The following CNRIP1 variants were observed in gnomAD, a reference collection of about 807,000 sequenced individuals.
The protein encoded by CNRIP1 is CB1 cannabinoid receptor-interacting protein 1.
Under a neutral mutation model 15.2 loss-of-function variants are expected in CNRIP1, and 10 were observed. The ratio of observed to expected loss-of-function variants is 0.66; its 90% CI spans 0.41 to 1.12. The LOEUF (loss-of-function observed/expected upper bound fraction) is 1.12, where lower values mean the gene tolerates loss of function less well. Among genes scored for constraint, CNRIP1 ranks in the 50% most tolerant of loss-of-function variants. The pLI is 0.00. For synonymous variants in CNRIP1, 91 were observed against 83.2 expected, an observed-to-expected ratio of 1.09 and a Z score of -0.51; for missense variants, 211 against 214.7, an observed-to-expected ratio of 0.98 and a Z score of 0.11.
chr2:68,311,203 G>GC (rs1033690380), intron 2 of CNRIP1, among the ~76,000 whole-genome samples: 6 of 91,874 alleles, frequency 6.5e-5, no homozygotes, highest in African/African-American at 2.4e-4. Context: ...TGATCCCCAA[G>GC]GGGGGAAAAA....
chr2:68,302,690 C>CAGTG (rs1390840505), intron 2 of CNRIP1, among the ~76,000 whole-genome samples: 6 of 152,098 alleles, frequency 3.9e-5, no homozygotes, highest in Admixed American at 1.3e-4. Context: ...TCACTATGGG[C>CAGTG]AGTGGCAAAT....
chr2:68,292,900 C>T (rs1282396730), downstream of CNRIP1: 8 of 505,632 alleles, frequency 1.6e-5, no homozygotes, highest in Non-Finnish European at 1.8e-5. Context: ...AATTCTACTC[C>T]GGATACATCC....
intron 1 of CNRIP1, among the ~76,000 whole-genome samples, chr2:68,318,135 G>A (rs1219640974): frequency 6.6e-6 from 1 of 152,024 alleles, no homozygotes; most frequent in Non-Finnish European, 1.5e-5. Context: ...TGAGAATAAA[G>A]GGTGCATGGA....
chr2:68,288,691 T>TTTGTTGGCAACAA (rs1165564063), downstream of CNRIP1, among the ~76,000 whole-genome samples: 2 of 152,214 alleles, frequency 1.3e-5, no homozygotes, highest in African/African-American at 4.8e-5. Flanking sequence ...AATACTTCTG[T>TTTGTTGGCAACAA]TTGTTGGCAA....
At chr2:68,294,133 C>T in intron 2 of CNRIP1, 107 bp from the exon 3 acceptor site, 1 of 1,200,960 alleles carries the variant, frequency 8.3e-7, no homozygotes, top group East Asian at 2.4e-5. Flanking sequence ...AGACCCAGTC[C>T]AGATTCTCTT....
intron 2 of CNRIP1, among the ~76,000 whole-genome samples, chr2:68,287,504 T>C (rs1671059886): frequency 6.6e-6 from 1 of 152,256 alleles, no homozygotes; most frequent in South Asian, 2.1e-4. Flanking sequence ...GATAAAATAT[T>C]GGGAGAAAAG....
rs566835173 is a variant in CNRIP1, at chr2:68,319,514, G to A, written c.-114C>T. On this transcript the variant is annotated 5_prime_UTR_variant, in exon 1 of 3. Transcript: ENST00000263655. ...GAAGCGCGGGGAGGGTGAGGGAGGT[G>A]GTGGAGCTGAGGCTGCCGCTAGGAA... 2 of 1,146,308 alleles carry A rather than the reference G, an allele frequency of 1.7e-6. No homozygotes were observed. The highest frequency in any genetic ancestry group is 5.8e-5 in the East Asian group (2 of 34,660). The allele number at this position is 1,146,308 out of a possible 1,614,324, so 71.0% of individuals were successfully genotyped here.
intron 2 of CNRIP1, among the ~76,000 whole-genome samples, chr2:68,306,124 C>CAATAAAAAAAAAAAAAAAAAAAAA (rs1671834561): frequency 3.9e-5 from 1 of 25,328 alleles, no homozygotes; most frequent in Non-Finnish European, 7.0e-5. Context: ...CCCACCTCTA[C>CAATAAAAAAAAAAAAAAAAAAAAA]AAAAAAAAAA....
chr2:68,308,547 A>G (rs1206332817), intron 2 of CNRIP1, among the ~76,000 whole-genome samples: 1 of 152,122 alleles, frequency 6.6e-6, no homozygotes, highest in Non-Finnish European at 1.5e-5. Context: ...AGATTTTATA[A>G]TTTAACTTTC....
intron 2 of CNRIP1, among the ~76,000 whole-genome samples, chr2:68,287,990 T>C (rs1369026135): frequency 6.6e-6 from 1 of 152,258 alleles, no homozygotes; most frequent in Non-Finnish European, 1.5e-5. Context: ...TTTAGTCTCC[T>C]TTAAAGGGAG....
intron 2 of CNRIP1, among the ~76,000 whole-genome samples, chr2:68,308,310 C>T (rs1282175668): frequency 6.6e-6 from 1 of 152,128 alleles, no homozygotes; most frequent in African/African-American, 2.4e-5. Context: ...CAAGAATGCA[C>T]ATTTCTACAT....
At chr2:68,286,597 G>A (rs1291919193) in intron 2 of CNRIP1, among the ~76,000 whole-genome samples, 1 of 152,112 alleles carries the variant, frequency 6.6e-6, no homozygotes, top group Non-Finnish European at 1.5e-5. Context: ...AAATATTTTT[G>A]TCAAATAATT....
Position 68,305,274 on chromosome 2 carries a change from A to ATGTGTGTGTGTGTGTGTGTG in CNRIP1, c.331-11268_331-11249dup, listed in dbSNP as rs10601379. Among the ~76,000 whole-genome samples the ATGTGTGTGTGTGTGTGTGTG allele has an allele frequency of 6.6e-4, 80 of 120,628 alleles. 2 individuals are homozygous for ATGTGTGTGTGTGTGTGTGTG. Among genetic ancestry groups the ATGTGTGTGTGTGTGTGTGTG allele is most frequent in the Non-Finnish European group, 9.6e-4 (58 of 60,560 alleles). 79.1% of individuals were successfully genotyped at this position (120,628 alleles called of 152,430 possible). A position where few individuals can be genotyped will look rare whatever the true frequency, so the allele number is the denominator to read the frequency against. ...AAAAAAAAAAAATATATATATATAT[A>ATGTGTGTGTGTGTGTGTGTG]TGTGTGTGTGTGTGTGTGTGTGTGT... On this transcript the variant is annotated intron_variant, in intron 2 of 2. Transcript: ENST00000263655.
chr2:68,297,567 CAAAAAAA>C (rs112601365), intron 2 of CNRIP1, among the ~76,000 whole-genome samples: 6 of 98,868 alleles, frequency 6.1e-5, no homozygotes, highest in Non-Finnish European at 8.5e-5. Flanking sequence ...GACACTGTCT[CAAAAAAA>C]AAAAAAAAAA....
intron 2 of CNRIP1, among the ~76,000 whole-genome samples, chr2:68,305,339 T>C (rs1259527890): frequency 6.8e-6 from 1 of 147,512 alleles, no homozygotes; most frequent in Non-Finnish European, 1.5e-5. Context: ...ATAATATATA[T>C]TTAAATATAT....
At chr2:68,297,828 A>G (rs1042337103) in intron 2 of CNRIP1, among the ~76,000 whole-genome samples, 9 of 152,164 alleles carry the variant, frequency 5.9e-5, no homozygotes, top group African/African-American at 2.2e-4. Context: ...GGAAATGCTT[A>G]GAACAATGTT....
At chr2:68,298,899 C>A (rs745674009) in intron 2 of CNRIP1, among the ~76,000 whole-genome samples, 1 of 152,206 alleles carries the variant, frequency 6.6e-6, no homozygotes, top group Non-Finnish European at 1.5e-5. Context: ...TTCACTCCCT[C>A]CCCGCCCATC....
At chr2:68,305,241 T>C (rs1671774652) in intron 2 of CNRIP1, among the ~76,000 whole-genome samples, 1 of 29,386 alleles carries the variant, frequency 3.4e-5, no homozygotes, top group Non-Finnish European at 6.5e-5. Flanking sequence ...TGAAACTCCG[T>C]CTCAAAAAAA....
rs371688654 is a variant in CNRIP1, at chr2:68,312,162, C to T, written c.330+4995G>A. On this transcript the variant is annotated intron_variant, in intron 2 of 2. Transcript: ENST00000263655. The stretch of plus-strand genomic sequence containing the variant: ...TCTGATACCCAAAACTAGACAAAGG[C>T]ATTATAAGAAAAGCAAACCATAGAC... 4.6e-5 allele frequency among the ~76,000 whole-genome samples: 7 copies of T among 152,090 alleles called. No individual in the cohort carries two copies. The South Asian group carries it at 8.3e-4, about 18-fold the overall frequency.
Sources: allele counts gnomAD v4.1 joint callset (sites outside exome capture counted in the v4.1 genomes callset), GRCh38; gene constraint gnomAD v4.1.1; transcripts MANE v1.5; gene names NCBI Gene and HGNC (gene_info 2026-07-23, HGNC 2026-07-21).